ONECUT2: variants seen among roughly 807,000 people sequenced by gnomAD.
The protein encoded by ONECUT2 is one cut domain family member 2.
In ONECUT2, 10 loss-of-function variants were observed where a neutral mutation model predicts 27.9. The ratio of observed to expected loss-of-function variants is 0.36; its 90% CI spans 0.22 to 0.61. The LOEUF is 0.61. ONECUT2 is among the 20% of genes least tolerant of loss of function. The pLI, the probability that ONECUT2 is intolerant of heterozygous loss-of-function variation, is 0.73. For synonymous variants in ONECUT2, 334 were observed against 315.1 expected (o/e 1.06, Z -0.64); for missense variants, 686 against 721.0 (o/e 0.95, Z 0.56).
chr18:57,455,779 G>A (rs1037490554), intron 1 of ONECUT2, among the ~76,000 whole-genome samples: 1 of 151,992 alleles, frequency 6.6e-6, no homozygotes, highest in Non-Finnish European at 1.5e-5. Context: ...GAAACAGAGG[G>A]GAGGGACGTC....
chr18:57,455,756 G>A (rs563016014), intron 1 of ONECUT2, among the ~76,000 whole-genome samples: 14 of 152,310 alleles, frequency 9.2e-5, no homozygotes, highest in African/African-American at 2.4e-4. Flanking sequence ...CTGGTCCTCC[G>A]GAGGGGTCTA....
chr18:57,436,129 C>T lies in ONECUT2; in HGVS notation c.413C>T (p.Ser138Phe). 6.2e-7 allele frequency: 1 copy of T among 1,603,064 alleles called. No homozygotes were observed. Among genetic ancestry groups the T allele is most frequent in the Non-Finnish European group, 8.5e-7 (1 of 1,179,902 alleles). The change falls in exon 1 of 2, where the codon TCT (serine) becomes TTT (phenylalanine). Residue 138 changes from serine to phenylalanine, a missense_variant. Physicochemically the swap from Ser to Phe is radical, Grantham distance 155. Coordinates refer to ENST00000491143, the MANE Select transcript of ONECUT2 (RefSeq NM_004852.3). This position sits in a 1 kb window ranked among gnomAD's most constrained non-coding sequence, Gnocchi z 5.9. ...HHAMSMSCDS[S>F]PPGMGMSNTY... Reference sequence around the variant, plus strand: ...GCCATGAGCATGTCCTGCGACTCGTCTCCGCCTGGCATGGGCATGAGCAAC... The same window carrying T: ...GCCATGAGCATGTCCTGCGACTCGTTTCCGCCTGGCATGGGCATGAGCAAC...
In ONECUT2 at chr18:57,444,487, C is replaced by T. The variant is rs940417987; in HGVS notation, c.1228+7543C>T. On this transcript the variant is annotated intron_variant, in intron 1 of 1. Transcript: ENST00000491143. Reference sequence around the variant, plus strand: ...GCAGCCATTGGCAGCTTGCTTCCCACTCCACCCCAGTGCCCTTGAGCATGA... The same window carrying T: ...GCAGCCATTGGCAGCTTGCTTCCCATTCCACCCCAGTGCCCTTGAGCATGA... 12 of 455,008 alleles carry T rather than the reference C, an allele frequency of 2.6e-5. No homozygotes were observed. In the East Asian group the frequency reaches 7.6e-4, roughly 29 times the overall value. 28.2% of individuals were successfully genotyped at this position (455,008 alleles called of 1,614,324 possible). A position where few individuals can be genotyped will look rare whatever the true frequency, so the allele number is the denominator to read the frequency against.
intron 1 of ONECUT2, among the ~76,000 whole-genome samples, chr18:57,439,933 T>G (rs2050165227): frequency 6.6e-6 from 1 of 152,226 alleles, no homozygotes; most frequent in African/African-American, 2.4e-5. Flanking sequence ...GAGGTCTGAT[T>G]TGGCCAGCGC....
intron 1 of ONECUT2, among the ~76,000 whole-genome samples, chr18:57,473,715 G>A (rs540484031): frequency 7.2e-5 from 11 of 152,284 alleles, no homozygotes; most frequent in South Asian, 4.1e-4. Context: ...GAGAATCTGC[G>A]TTTTGATGAG....
chr18:57,486,910 T>C lies in ONECUT2; in HGVS notation c.*10187T>C, dbSNP rs994051371. ...ATTATGATTAGCAACTGCCAATCAG[T>C]GCTATAATTTTATGCATGAGGCTAA... On this transcript the variant is annotated 3_prime_UTR_variant, in exon 2 of 2. Transcript: ENST00000491143. The C allele has an allele frequency of 1.5e-4, 23 of 152,794 alleles. No homozygotes were observed. Among genetic ancestry groups the C allele is most frequent in the African/African-American group, 5.0e-4 (21 of 41,586 alleles). The allele number at this position is 152,794 out of a possible 1,614,324, so 9.5% of individuals were successfully genotyped here.
In ONECUT2 at chr18:57,480,794, G is replaced by A. The variant is rs118124176; in HGVS notation, c.*4071G>A. 2.6e-5 allele frequency: 4 copies of A among 152,178 alleles called. No individual in the cohort carries two copies. The highest frequency in any genetic ancestry group is 4.2e-4 in the South Asian group (2 of 4,818). The allele number at this position is 152,178 out of a possible 1,614,324, so 9.4% of individuals were successfully genotyped here. A position where few individuals can be genotyped will look rare whatever the true frequency, so the allele number is the denominator to read the frequency against. ...ACAGAAAAAAATTTCTATATTGAAA[G>A]GTAATAGAATTTAACCCAGTGAGTT... On this transcript the variant is annotated 3_prime_UTR_variant, in exon 2 of 2. Coordinates refer to ENST00000491143, the MANE Select transcript of ONECUT2 (RefSeq NM_004852.3).
intron 1 of ONECUT2, among the ~76,000 whole-genome samples, chr18:57,448,102 A>C (rs10503012): frequency 0.043 from 6,519 of 152,278 alleles, 590 homozygotes; most frequent in East Asian, 0.36. Context: ...GAGATAGGAG[A>C]GTCCTTTTGG....
At chr18:57,471,963 A>C (rs2050356650) in intron 1 of ONECUT2, among the ~76,000 whole-genome samples, 2 of 152,192 alleles carry the variant, frequency 1.3e-5, no homozygotes, top group African/African-American at 4.8e-5. Flanking sequence ...AGCTCCTGGC[A>C]TGCCCTCCCT....
intron 1 of ONECUT2, among the ~76,000 whole-genome samples, chr18:57,465,275 G>T (rs2122136767): frequency 6.6e-6 from 1 of 152,274 alleles, no homozygotes; most frequent in African/African-American, 2.4e-5. Flanking sequence ...TGTTCTCCCT[G>T]CTTCAGTCTC....
chr18:57,445,633 G>A (rs146505243), intron 1 of ONECUT2, among the ~76,000 whole-genome samples: 103 of 152,244 alleles, frequency 6.8e-4, no homozygotes, highest in Middle Eastern at 6.8e-3. Flanking sequence ...TCTGCTGAGC[G>A]AGTTCAAAGG....
chr18:57,436,006 C>G lies in ONECUT2; in HGVS notation c.290C>G (p.Ala97Gly). 6.6e-7 allele frequency: 1 copy of G among 1,509,822 alleles called. No homozygotes were observed. Among genetic ancestry groups the G allele is most frequent in the South Asian group, 1.3e-5 (1 of 79,846 alleles). 93.5% of individuals were successfully genotyped at this position (1,509,822 alleles called of 1,614,324 possible). The change falls in exon 1 of 2, where the codon GCG (alanine) becomes GGG (glycine). Residue 97 changes from alanine (A) to glycine (G), a missense_variant. By Grantham distance (60) the Ala-to-Gly change is moderately conservative. This residue lies in a region of ONECUT2 where 511 missense variants were observed against 488.1 expected (regional missense o/e 1.05). Transcript: ENST00000491143. This position sits in a 1 kb window ranked among gnomAD's most constrained non-coding sequence, Gnocchi z 5.9. ...AHQELGTAAA[A>G]AAAASRSAMV... ...CAGGAGCTGGGCACGGCGGCAGCGG[C>G]GGCAGCGGCGGCGTCGCGCTCGGCC...
In ONECUT2 at chr18:57,436,270, A is replaced by G; in HGVS notation, c.554A>G (p.Gln185Arg). ...HPHHHHHHHH[Q>R]RLSGNVSGSF... ...CACCACCACCACCACCACCACCACC[A>G]GCGCCTGTCCGGCAACGTCAGCGGC... Residue 185 changes from glutamine to arginine, a missense_variant, in exon 1 of 2, where the codon CAG becomes CGG. This residue lies in a region of ONECUT2 where 511 missense variants were observed against 488.1 expected (regional missense o/e 1.05). Coordinates refer to ENST00000491143, the MANE Select transcript of ONECUT2 (RefSeq NM_004852.3). The surrounding 1 kb of genome is among the most constrained non-coding windows in gnomAD (Gnocchi z 5.9). 3.1e-6 allele frequency: 5 copies of G among 1,603,936 alleles called. No individual in the cohort carries two copies. Among genetic ancestry groups the G allele is most frequent in the Non-Finnish European group, 3.4e-6 (4 of 1,178,858 alleles).
intron 1 of ONECUT2, among the ~76,000 whole-genome samples, chr18:57,465,580 A>G (rs1336600187): frequency 6.6e-6 from 1 of 152,172 alleles, no homozygotes; most frequent in Non-Finnish European, 1.5e-5. Flanking sequence ...TCATATTGTT[A>G]TATCAAATGA....
At chr18:57,457,003 A>G (rs1403719735) in intron 1 of ONECUT2, among the ~76,000 whole-genome samples, 1 of 151,832 alleles carries the variant, frequency 6.6e-6, no homozygotes, top group African/African-American at 2.4e-5. Flanking sequence ...TGGTGAGGGA[A>G]AAAACAACTA....
In ONECUT2 at chr18:57,481,215, G is replaced by C. The variant is rs1362218943; in HGVS notation, c.*4492G>C. Reference sequence around the variant, plus strand: ...AAAAACTCAGCACCAATATTTAAAAGCTTTTCCAAAATGTAAAAGAAGTGT... The same window carrying C: ...AAAAACTCAGCACCAATATTTAAAACCTTTTCCAAAATGTAAAAGAAGTGT... On this transcript the variant is annotated 3_prime_UTR_variant, in exon 2 of 2. Transcript: ENST00000491143. The C allele has an allele frequency of 6.6e-6, 1 of 152,072 alleles. No homozygotes were observed. The highest frequency in any genetic ancestry group is 1.5e-5 in the Non-Finnish European group (1 of 68,018). 9.4% of individuals were successfully genotyped at this position (152,072 alleles called of 1,614,324 possible).
At chr18:57,462,414 C>A (rs1217484597) in intron 1 of ONECUT2, among the ~76,000 whole-genome samples, 2 of 152,154 alleles carry the variant, frequency 1.3e-5, no homozygotes, top group Non-Finnish European at 2.9e-5. Context: ...GAGACAGGGT[C>A]TCGCTCTGTT....
At chr18:57,444,840 T>TAA (rs1371204503) in intron 1 of ONECUT2, among the ~76,000 whole-genome samples, 1 of 151,772 alleles carries the variant, frequency 6.6e-6, no homozygotes, top group Non-Finnish European at 1.5e-5. Flanking sequence ...AGCTGGGCAT[T>TAA]AAGCCCACAC....
rs1303737214 is a variant in ONECUT2 at position 57,491,180 on chromosome 18, C to T, written c.*14457C>T. ...ATTTTCAGTTTTGCTCATTTCCCAC[C>T]CCAATGTTTTGTCTGCAACATCGCT... On this transcript the variant is annotated 3_prime_UTR_variant, in exon 2 of 2. Coordinates refer to ENST00000491143, the MANE Select transcript of ONECUT2 (RefSeq NM_004852.3). 1 of 152,612 alleles carries T rather than the reference C, an allele frequency of 6.6e-6. No individual in the cohort carries two copies. Among genetic ancestry groups the T allele is most frequent in the African/African-American group, 2.4e-5 (1 of 41,442 alleles). 9.5% of individuals were successfully genotyped at this position (152,612 alleles called of 1,614,324 possible).
Sources: gnomAD v4.1 joint callset for allele counts (sites outside exome capture counted in the v4.1 genomes callset) on GRCh38, gnomAD v4.1.1 for gene constraint, gnomAD v4.1.1 regional missense constraint, Gnocchi (gnomAD v3.1) non-coding constraint, MANE v1.5 for transcripts, NCBI Gene and HGNC (gene_info 2026-07-23, HGNC 2026-07-21) for gene names.